The following STRBP variants were observed in gnomAD, a reference collection of about 807,000 sequenced individuals.
STRBP encodes the protein spermatid perinuclear RNA binding protein.
A neutral mutation model predicts 80.1 loss-of-function variants in STRBP; 13 were observed. The observed-to-expected ratio is 0.16, with a 90% CI of 0.11 to 0.26. The LOEUF is 0.26. Ranked by LOEUF, STRBP falls within the 10% of genes least tolerant of loss-of-function variation. The pLI is 1.00. For synonymous variants in STRBP, 284 were observed against 291.2 expected, an observed-to-expected ratio of 0.98 and a Z score of 0.25; for missense variants, 485 against 815.2, an observed-to-expected ratio of 0.59 and a Z score of 4.93.
chr9:123,227,706 C>CA (rs1281373118), intron 2 of STRBP, among the ~76,000 whole-genome samples: 1 of 151,682 alleles, frequency 6.6e-6, no homozygotes, highest in East Asian at 1.9e-4. Flanking sequence ...GCTGGGATTA[C>CA]AGGTATGCAC....
At chr9:123,180,414 A>G (rs559016556) in intron 3 of STRBP, among the ~76,000 whole-genome samples, 134 of 152,320 alleles carry the variant, frequency 8.8e-4, no homozygotes, top group Non-Finnish European at 1.2e-3. Flanking sequence ...TAAATAGACT[A>G]GTGGGAGACA....
intron 2 of STRBP, among the ~76,000 whole-genome samples, chr9:123,206,258 G>GT (rs11374462): frequency 0.38 from 58,324 of 152,106 alleles, 18,169 homozygotes; most frequent in African/African-American, 0.83. Flanking sequence ...AAAAGTGTAT[G>GT]TTTTGCAATG....
rs2132292809 is a variant in STRBP at position 123,125,355 on chromosome 9, G to C, written c.*242C>G. On this transcript the variant is annotated 3_prime_UTR_variant, in exon 19 of 19. Transcript: ENST00000348403. ...AGACTTTTATTTCCCTAGAACAGAA[G>C]GGCTGGTATAAGTTATTTTCCAGAA... 4 of 1,191,574 alleles carry C rather than the reference G, an allele frequency of 3.4e-6. No individual in the cohort carries two copies. Among genetic ancestry groups the C allele is most frequent in the Middle Eastern group, 6.9e-4 (2 of 2,906 alleles). The allele number at this position is 1,191,574 out of a possible 1,614,324, so 73.8% of individuals were successfully genotyped here. A position where few individuals can be genotyped will look rare whatever the true frequency, so the allele number is the denominator to read the frequency against.
At chr9:123,182,890 T>C (rs2038539585) in intron 3 of STRBP, among the ~76,000 whole-genome samples, 1 of 151,688 alleles carries the variant, frequency 6.6e-6, no homozygotes, top group African/African-American at 2.4e-5. Context: ...CATGCGCCTA[T>C]AAGGCCAAGC....
chr9:123,147,512 CCAAAAATA>C (rs1261584543), intron 12 of STRBP, among the ~76,000 whole-genome samples: 1 of 151,754 alleles, frequency 6.6e-6, no homozygotes, highest in Non-Finnish European at 1.5e-5. Flanking sequence ...CCTGTCTCTA[CCAAAAATA>C]CAAAAACTTA....
chr9:123,267,861 C>G (rs1176892005), intron 1 of STRBP, among the ~76,000 whole-genome samples: 1 of 148,482 alleles, frequency 6.7e-6, no homozygotes, highest in African/African-American at 2.5e-5. Flanking sequence ...CTCTTGAACC[C>G]CACAATATAG....
intron 4 of STRBP, among the ~76,000 whole-genome samples, chr9:123,177,771 A>G (rs2038283538): frequency 6.6e-6 from 1 of 152,230 alleles, no homozygotes; most frequent in Admixed American, 6.5e-5. Context: ...TACAATTAGT[A>G]AAAATAGCAA....
intron 2 of STRBP, among the ~76,000 whole-genome samples, chr9:123,192,109 G>T (rs986408299): frequency 1.3e-5 from 2 of 152,162 alleles, no homozygotes; most frequent in African/African-American, 2.4e-5. Context: ...GCCAGGGAGA[G>T]GAGGTTTTGG....
intron 13 of STRBP, among the ~76,000 whole-genome samples, chr9:123,144,646 T>A (rs1040090627): frequency 6.6e-6 from 1 of 152,160 alleles, no homozygotes; most frequent in African/African-American, 2.4e-5. Flanking sequence ...ACTATGAATT[T>A]TTTCCCCTCA....
intron 2 of STRBP, among the ~76,000 whole-genome samples, chr9:123,227,389 G>A (rs2040268574): frequency 6.6e-6 from 1 of 152,060 alleles, no homozygotes; most frequent in Admixed American, 6.6e-5. Context: ...GAAGAGCAAG[G>A]AGGTGAATGC....
chr9:123,205,625 T>G (rs956296598), intron 2 of STRBP, among the ~76,000 whole-genome samples: 8 of 152,198 alleles, frequency 5.3e-5, no homozygotes, highest in Non-Finnish European at 1.0e-4. Flanking sequence ...AAGAAATACA[T>G]AGATTCACCA....
chr9:123,257,792 G>A (rs1258785946), intron 1 of STRBP, among the ~76,000 whole-genome samples: 2 of 151,858 alleles, frequency 1.3e-5, no homozygotes, highest in Non-Finnish European at 2.9e-5. Flanking sequence ...ACTCCAGCCT[G>A]GGCAACAGAA....
intron 6 of STRBP, among the ~76,000 whole-genome samples, chr9:123,164,132 G>C (rs1440450719): frequency 6.6e-6 from 1 of 152,010 alleles, no homozygotes; most frequent in Admixed American, 6.6e-5. Flanking sequence ...TGCAACCTCC[G>C]CCTCCCGGGC....
In STRBP at chr9:123,184,195, A is replaced by G; in HGVS notation, c.-61T>C. The G allele has an allele frequency of 6.4e-7, 1 of 1,570,288 alleles. No homozygotes were observed. The highest frequency in any genetic ancestry group is 1.1e-5 in the South Asian group (1 of 87,300). ...CTTTCCCCTCTTTCTTGTCGTCTTC[A>G]CTAGACACTGTTTTGTGTAACAATA... On this transcript the variant is annotated 5_prime_UTR_variant, in exon 3 of 19. Coordinates refer to ENST00000348403, the MANE Select transcript of STRBP (RefSeq NM_018387.5).
rs1156286435 is a variant in STRBP at position 123,123,489 on chromosome 9, C to A, written c.*2108G>T. 8.1e-6 allele frequency: 8 copies of A among 982,380 alleles called. No homozygotes were observed. Among genetic ancestry groups the A allele is most frequent in the Non-Finnish European group, 8.4e-6 (7 of 829,538 alleles). The allele number at this position is 982,380 out of a possible 1,614,324, so 60.9% of individuals were successfully genotyped here. Reference sequence around the variant, plus strand: ...AATGTAAAAGTTTGCAGCAACTGGGCAGGTTTACAACATGGTTAGTAACTT... The same window carrying A: ...AATGTAAAAGTTTGCAGCAACTGGGAAGGTTTACAACATGGTTAGTAACTT... On this transcript the variant is annotated 3_prime_UTR_variant, in exon 19 of 19. Transcript: ENST00000348403.
In STRBP at chr9:123,246,302, A is replaced by G. The variant is rs16926290; in HGVS notation, c.-301-9336T>C. Reference sequence around the variant, plus strand: ...CACAAAAACCTTAATTTAAAACTAAATGTCACATAAGAACACCATATACAC... The same window carrying G: ...CACAAAAACCTTAATTTAAAACTAAGTGTCACATAAGAACACCATATACAC... On this transcript the variant is annotated intron_variant, in intron 1 of 18. Coordinates refer to ENST00000348403, the MANE Select transcript of STRBP (RefSeq NM_018387.5). Among the ~76,000 whole-genome samples, 210 of 152,330 alleles carry G rather than the reference A, an allele frequency of 1.4e-3. 2 individuals carry two copies. The highest frequency in any genetic ancestry group is 2.7e-3 in the Non-Finnish European group (182 of 68,032).
intron 3 of STRBP, among the ~76,000 whole-genome samples, chr9:123,183,386 G>T (rs12002826): frequency 6.6e-6 from 1 of 151,786 alleles, no homozygotes; most frequent in Non-Finnish European, 1.5e-5. Flanking sequence ...GCAGTGAGCC[G>T]AGATTGCGCC....
At chr9:123,254,316 C>A (rs1223904240) in intron 1 of STRBP, among the ~76,000 whole-genome samples, 1 of 152,014 alleles carries the variant, frequency 6.6e-6, no homozygotes, top group Non-Finnish European at 1.5e-5. Context: ...AAAAACTTAG[C>A]CGGGCGTGGT....
At chr9:123,200,935 G>A (rs1184244907) in intron 2 of STRBP, among the ~76,000 whole-genome samples, 1 of 151,266 alleles carries the variant, frequency 6.6e-6, no homozygotes, top group African/African-American at 2.4e-5. Context: ...TCTGTTCAAG[G>A]TTTTATTTCT....
Sources: gnomAD v4.1 joint callset for allele counts (sites outside exome capture counted in the v4.1 genomes callset) on GRCh38, gnomAD v4.1.1 for gene constraint, MANE v1.5 for transcripts, NCBI Gene and HGNC (gene_info 2026-07-23, HGNC 2026-07-21) for gene names.